The following E2F5 variants were observed in gnomAD, a reference collection of about 807,000 sequenced individuals.
E2F5 encodes transcription factor E2F5.
In E2F5, 23 loss-of-function variants were observed where a neutral mutation model predicts 39.1. The ratio of observed to expected loss-of-function variants is 0.59; its 90% CI spans 0.42 to 0.83. E2F5 has a LOEUF of 0.83. Ranked by LOEUF, E2F5 falls within the 40% of genes least tolerant of loss-of-function variation. The probability of loss-of-function intolerance (pLI) is 0.00; values close to 1 mark genes in which losing one functional copy is unlikely to be tolerated. For missense variants in E2F5, 365 were observed against 406.7 expected (o/e 0.90, Z 0.88); for synonymous variants, 145 against 157.8 (o/e 0.92, Z 0.61).
intron 6 of E2F5, among the ~76,000 whole-genome samples, chr8:85,211,643 G>GTTTTTTTTTTTT (rs950695727): frequency 9.6e-5 from 5 of 52,212 alleles, no homozygotes; most frequent in African/African-American, 4.5e-4. Flanking sequence ...GTTTGTTGTT[G>GTTTTTTTTTTTT]TTTTTTTTTT....
At chr8:85,196,707 G>C (rs948443047) in intron 1 of E2F5, among the ~76,000 whole-genome samples, 2 of 152,140 alleles carry the variant, frequency 1.3e-5, no homozygotes, top group Non-Finnish European at 2.9e-5. Context: ...TTGTGGATCT[G>C]TTTCCAGTAT....
chr8:85,206,095 A>T (rs1465426185), intron 3 of E2F5, 82 bp from the exon 4 acceptor site: 2 of 1,328,574 alleles, frequency 1.5e-6, no homozygotes, highest in Non-Finnish European at 2.2e-6. Context: ...TCATTTAGTT[A>T]TTTTGACCTT....
intron 1 of E2F5, chr8:85,201,942 A>G: frequency 1.8e-6 from 1 of 553,382 alleles, no homozygotes; most frequent in Non-Finnish European, 3.1e-6. Context: ...TTCTGTTCCA[A>G]CATCTGCTAG....
chr8:85,202,384 C>G lies in E2F5; in HGVS notation c.344+128C>G. The G allele has an allele frequency of 4.6e-6, 3 of 657,524 alleles. No homozygotes were observed. The Admixed American group carries it at 9.5e-5, about 21-fold the overall frequency. 40.7% of individuals were successfully genotyped at this position (657,524 alleles called of 1,614,324 possible). Reference sequence around the variant, plus strand: ...GTCAGGCCCCTCAGCTTTCCCTGAACACACCTTTCTGGGCCTCTGTGTCAC... The same window carrying G: ...GTCAGGCCCCTCAGCTTTCCCTGAAGACACCTTTCTGGGCCTCTGTGTCAC... On this transcript the variant is annotated intron_variant, in intron 2 of 7. Transcript: ENST00000416274.
intron 7 of E2F5, chr8:85,212,507 A>C (rs1812955777): frequency 1.2e-5 from 3 of 254,942 alleles, no homozygotes; most frequent in Admixed American, 5.6e-5. Context: ...AACTTGTCTA[A>C]ATCAAGCAAC....
intron 3 of E2F5, among the ~76,000 whole-genome samples, chr8:85,203,557 G>A (rs1164984695): frequency 6.6e-6 from 1 of 151,928 alleles, no homozygotes; most frequent in African/African-American, 2.4e-5. Context: ...TAGGAAATCT[G>A]TGAATATTAG....
chr8:85,198,184 G>A lies in E2F5; in HGVS notation c.235-3963G>A, dbSNP rs539732784. Among the ~76,000 whole-genome samples, 4 of 152,128 alleles carry A rather than the reference G, an allele frequency of 2.6e-5. 1 individual carries two copies. In the South Asian group the frequency reaches 8.3e-4, roughly 32 times the overall value. ...ATTAATATGCCCTGTTATTATCTAA[G>A]GACAGTCCTCACTTATTGAATTCAC... On this transcript the variant is annotated intron_variant, in intron 1 of 7. Coordinates refer to ENST00000416274, the MANE Select transcript of E2F5 (RefSeq NM_001951.4).
chr8:85,186,966 A>AG (rs1812358098), intron 1 of E2F5, among the ~76,000 whole-genome samples: 1 of 150,830 alleles, frequency 6.6e-6, no homozygotes, highest in South Asian at 2.1e-4. Context: ...AGCATAAAAA[A>AG]AAATCCCTGT....
rs576970684 is a variant in E2F5 at position 85,213,624 on chromosome 8, T to A, written c.932-129T>A. ...ATTCAATGTACAAATTGTTACTAAA[T>A]GAGAATATTTCAAAATACACATTAC... On this transcript the variant is annotated intron_variant, in intron 7 of 7. Coordinates refer to ENST00000416274, the MANE Select transcript of E2F5 (RefSeq NM_001951.4). 3.1e-5 allele frequency: 15 copies of A among 487,124 alleles called. No homozygotes were observed. The East Asian group carries it at 5.0e-4, about 16-fold the overall frequency. The allele number at this position is 487,124 out of a possible 1,614,324, so 30.2% of individuals were successfully genotyped here. A position where few individuals can be genotyped will look rare whatever the true frequency, so the allele number is the denominator to read the frequency against.
intron 1 of E2F5, among the ~76,000 whole-genome samples, chr8:85,179,781 TC>T (rs1427991513): frequency 1.3e-5 from 2 of 150,990 alleles, no homozygotes; most frequent in Non-Finnish European, 2.9e-5. Flanking sequence ...TGTGTCAGCC[TC>T]CCGAGTAGCT....
At chr8:85,189,478 T>G (rs1812415253) in intron 1 of E2F5, among the ~76,000 whole-genome samples, 1 of 152,152 alleles carries the variant, frequency 6.6e-6, no homozygotes, top group South Asian at 2.1e-4. Context: ...CAAGCGAGTC[T>G]CCTGCCTCAG....
At chr8:85,198,725 A>G (rs1411821079) in intron 1 of E2F5, among the ~76,000 whole-genome samples, 2 of 152,282 alleles carry the variant, frequency 1.3e-5, no homozygotes, top group East Asian at 3.9e-4. Context: ...GTTGGTTCTT[A>G]ACCTTCCCTT....
intron 1 of E2F5, among the ~76,000 whole-genome samples, chr8:85,194,163 T>A (rs1812528452): frequency 6.6e-6 from 1 of 152,168 alleles, no homozygotes; most frequent in Non-Finnish European, 1.5e-5. Flanking sequence ...CATTTATAAG[T>A]TCCCATGAAG....
At chr8:85,194,831 C>T (rs1285585257) in intron 1 of E2F5, among the ~76,000 whole-genome samples, 7 of 150,570 alleles carry the variant, frequency 4.6e-5, no homozygotes, top group Non-Finnish European at 8.9e-5. Flanking sequence ...CCATGCCTGG[C>T]CCTGTTATTT....
intron 1 of E2F5, among the ~76,000 whole-genome samples, chr8:85,183,092 A>G (rs1441788578): frequency 6.6e-6 from 1 of 152,188 alleles, no homozygotes; most frequent in Non-Finnish European, 1.5e-5. Context: ...TCTACTAAAA[A>G]TACAAAAAAA....
At chr8:85,203,341 GT>G in intron 3 of E2F5, 86 bp downstream of exon 3, 1 of 1,150,136 alleles carries the variant, frequency 8.7e-7, no homozygotes. Flanking sequence ...CATTCACTTT[GT>G]TTTTAGACAG....
chr8:85,191,024 C>T (rs905939076), intron 1 of E2F5, among the ~76,000 whole-genome samples: 1 of 152,010 alleles, frequency 6.6e-6, no homozygotes, highest in Non-Finnish European at 1.5e-5. Context: ...CTAGAAGGAG[C>T]ACAGCCTTAT....
At chr8:85,201,981 T>A in intron 1 of E2F5, 166 bp from the exon 2 acceptor site, 1 of 616,490 alleles carries the variant, frequency 1.6e-6, no homozygotes, top group Non-Finnish European at 2.8e-6. Context: ...TCTTTGGTAT[T>A]TGCAGTGTTT....
chr8:85,177,338 C>G lies in E2F5; in HGVS notation c.-83C>G. The G allele has an allele frequency of 1.0e-6, 1 of 967,016 alleles. No homozygotes were observed. The highest frequency in any genetic ancestry group is 1.2e-6 in the Non-Finnish European group (1 of 813,228). 59.9% of individuals were successfully genotyped at this position (967,016 alleles called of 1,614,324 possible). On this transcript the variant is annotated 5_prime_UTR_variant, in exon 1 of 8. Coordinates refer to ENST00000416274, the MANE Select transcript of E2F5 (RefSeq NM_001951.4). ...TCGGCGGGCGGGGAAGCGGCCGCAG[C>G]GGAGCCGACCCGGCAGGTGGCCGCG...
Sources: allele counts gnomAD v4.1 joint callset (sites outside exome capture counted in the v4.1 genomes callset), GRCh38; gene constraint gnomAD v4.1.1; transcripts MANE v1.5; gene names NCBI Gene and HGNC (gene_info 2026-07-23, HGNC 2026-07-21).